The following NLRP13 variants were observed in gnomAD, a reference collection of about 807,000 sequenced individuals.
The protein encoded by NLRP13 is NLR family pyrin domain containing 13, also known as NACHT, LRR and PYD domains-containing protein 13.
In NLRP13, 82 loss-of-function variants were observed where a neutral mutation model predicts 94.4. That is an observed-to-expected ratio of 0.87 (90% CI 0.73 to 1.04). The LOEUF is 1.04. Among genes scored for constraint, NLRP13 ranks in the 50% least tolerant of loss-of-function variants. The pLI is 0.00. For missense variants in NLRP13, 1,426 were observed against 1,230.8 expected (o/e 1.16, Z -2.37); for synonymous variants, 553 against 464.7 (o/e 1.19, Z -2.45).
Position 55,910,558 on chromosome 19 carries a change from C to A in NLRP13, c.2282+5G>T. 1 of 1,591,316 alleles carries A rather than the reference C, an allele frequency of 6.3e-7. No individual in the cohort carries two copies. Among genetic ancestry groups the A allele is most frequent in the Non-Finnish European group, 8.6e-7 (1 of 1,164,088 alleles). On this transcript the variant is annotated splice_donor_5th_base_variant and intron_variant, in intron 6 of 10. Coordinates refer to ENST00000342929, the MANE Select transcript of NLRP13 (RefSeq NM_176810.2). ...CTTCTTGAGCTGCTGGCGTCTCACACTTACGTCAGTTTCTGGACTTTGCAT... is the reference window on the plus strand; with the variant it reads ...CTTCTTGAGCTGCTGGCGTCTCACAATTACGTCAGTTTCTGGACTTTGCAT...
chr19:55,898,308 C>G lies in NLRP13; in HGVS notation c.2957+462G>C, dbSNP rs769531917. ...CACTGCAACCTCTACCTCCCGGGTT[C>G]AAGCGATTCTCCTGCCTCAGCCTCC... On this transcript the variant is annotated intron_variant, in intron 10 of 10. Coordinates refer to ENST00000342929, the MANE Select transcript of NLRP13 (RefSeq NM_176810.2). Among the ~76,000 whole-genome samples the G allele has an allele frequency of 2.2e-3, 328 of 150,056 alleles. 1 individual carries two copies. The highest frequency in any genetic ancestry group is 3.0e-3 in the Non-Finnish European group (206 of 67,772).
At chr19:55,895,163 A>C (rs972034744), downstream of NLRP13, among the ~76,000 whole-genome samples, 1 of 150,424 alleles carries the variant, frequency 6.6e-6, no homozygotes, top group Non-Finnish European at 1.5e-5. Flanking sequence ...AGGCGGGCCA[A>C]CATGGTGAAA....
Position 55,912,572 on chromosome 19 carries a change from G to T in NLRP13, c.1245C>A (p.Asn415Lys). ...CACTGCAGGAATGAAAGAGAGTTTC[G>T]TTTTTTCTTAGCTGCTGCAGGATTT... ...VEKILQQLRK[N>K]ETLFHSCSAP... The change falls in exon 5 of 11, where the codon AAC (asparagine) becomes AAA (lysine). Residue 415 changes from asparagine (N) to lysine (K), a missense_variant. Transcript: ENST00000342929. 1 of 1,614,150 alleles carries T rather than the reference G, an allele frequency of 6.2e-7. No individual in the cohort carries two copies. Among genetic ancestry groups the T allele is most frequent in the Non-Finnish European group, 8.5e-7 (1 of 1,180,022 alleles).
At chr19:55,902,305 G>T in intron 8 of NLRP13, 100 bp from the exon 9 acceptor site, 1 of 949,718 alleles carries the variant, frequency 1.1e-6, no homozygotes, top group Non-Finnish European at 1.6e-6. Flanking sequence ...TACACATGCA[G>T]CAGCTCCCTG....
intron 9 of NLRP13, among the ~76,000 whole-genome samples, chr19:55,900,913 A>AT (rs1986151277): frequency 6.6e-6 from 1 of 152,268 alleles, no homozygotes; most frequent in South Asian, 2.1e-4. Flanking sequence ...ATTGTAATAT[A>AT]TGCTCTTCTC....
At chr19:55,924,727 C>T in intron 2 of NLRP13, 69 bp from the exon 3 acceptor site, 3 of 1,397,700 alleles carry the variant, frequency 2.1e-6, no homozygotes, top group Admixed American at 1.7e-5. Flanking sequence ...ATAATGGAAG[C>T]CCCCAGTAGA....
chr19:55,931,837 C>T (rs79292493), intron 1 of NLRP13, among the ~76,000 whole-genome samples, 156 bp downstream of exon 1: 3,204 of 151,732 alleles, frequency 0.021, 109 homozygotes, highest in African/African-American at 0.071. Context: ...TCTTTATAGC[C>T]TTTATGCCTT....
At chr19:55,894,205 C>G (rs1256990610), downstream of NLRP13, among the ~76,000 whole-genome samples, 4 of 151,860 alleles carry the variant, frequency 2.6e-5, no homozygotes, top group Non-Finnish European at 5.9e-5. Flanking sequence ...CATGCCAAGC[C>G]AATTTTTTAA....
chr19:55,912,770 C>T lies in NLRP13; in HGVS notation c.1047G>A (p.Leu349=). 6.2e-7 allele frequency: 1 copy of T among 1,614,176 alleles called. No individual in the cohort carries two copies. The highest frequency in any genetic ancestry group is 8.5e-7 in the Non-Finnish European group (1 of 1,180,020). The part of the protein sequence containing the change: ...LPVTKILHSL[L]KKELVPLATL... ...TAGCCAGGGGAACCAATTCTTTCTT[C>T]AACAAGCTGTGTAGGATTTTGGTCA... The change falls in exon 5 of 11, where the codon TTG becomes TTA. Residue 349 remains leucine, a synonymous_variant. Transcript: ENST00000342929.
At chr19:55,893,113 G>T (rs753373663), downstream of NLRP13, among the ~76,000 whole-genome samples, 1 of 152,170 alleles carries the variant, frequency 6.6e-6, no homozygotes, top group Non-Finnish European at 1.5e-5. Flanking sequence ...TGGCGGCCAG[G>T]CATGGTGGCT....
intron 1 of NLRP13, among the ~76,000 whole-genome samples, chr19:55,930,873 A>ATTT (rs1555751052): frequency 8.8e-5 from 8 of 91,394 alleles, no homozygotes; most frequent in South Asian, 3.7e-4. Context: ...AGAATCAGTG[A>ATTT]TTATATATAT....
At chr19:55,931,728 A>AAGAAAGAAAGAAAGAC (rs1987149055) in intron 1 of NLRP13, among the ~76,000 whole-genome samples, 2 of 76,678 alleles carry the variant, frequency 2.6e-5, no homozygotes, top group African/African-American at 7.9e-5. Context: ...AAAAAAAAGA[A>AAGAAAGAAAGAAAGAC]AGAAAGAAAG....
chr19:55,911,563 A>G, intron 5 of NLRP13, 143 bp downstream of exon 5: 1 of 741,766 alleles, frequency 1.3e-6, no homozygotes, highest in Non-Finnish European at 2.2e-6. Flanking sequence ...ACATTCTTTC[A>G]AGTTAGAGCT....
At chr19:55,930,898 A>ATATATGTATATATATATATGTATATATAT in intron 1 of NLRP13, among the ~76,000 whole-genome samples, 1 of 104,894 alleles carries the variant, frequency 9.5e-6, no homozygotes, top group African/African-American at 3.9e-5. Flanking sequence ...ATATATATAT[A>ATATATGTATATATATATATGTATATATAT]AAATTTTAAC....
At chr19:55,915,853 A>T (rs1408314064) in intron 4 of NLRP13, among the ~76,000 whole-genome samples, 1 of 152,150 alleles carries the variant, frequency 6.6e-6, no homozygotes, top group Non-Finnish European at 1.5e-5. Flanking sequence ...GATGCACAAG[A>T]AAGTTTCTCC....
At chr19:55,918,037 T>A (rs1986715016) in intron 4 of NLRP13, among the ~76,000 whole-genome samples, 1 of 151,976 alleles carries the variant, frequency 6.6e-6, no homozygotes, top group Non-Finnish European at 1.5e-5. Context: ...ATAAATTTTT[T>A]AAAAATGGAA....
chr19:55,924,975 G>C lies in NLRP13; in HGVS notation c.380C>G (p.Ala127Gly). ...PTQEDLEMLE[A>G]AAGNMQTQGC... Reference sequence around the variant, plus strand: ...TAAAGTAGTGTACACACCTGCTGCTGCTTCTAGCATCTCTAGATCTTCCTG... The same window carrying C: ...TAAAGTAGTGTACACACCTGCTGCTCCTTCTAGCATCTCTAGATCTTCCTG... The change falls in exon 2 of 11, where the codon GCA (alanine) becomes GGA (glycine). Residue 127 changes from alanine (A) to glycine (G), a missense_variant. By Grantham distance (60) the Ala-to-Gly change is moderately conservative (BLOSUM62 0). Coordinates refer to ENST00000342929, the MANE Select transcript of NLRP13 (RefSeq NM_176810.2). 1 of 1,613,948 alleles carries C rather than the reference G, an allele frequency of 6.2e-7. No homozygotes were observed. The highest frequency in any genetic ancestry group is 1.7e-4 in the Middle Eastern group (1 of 6,060).
At chr19:55,908,059 G>A in intron 6 of NLRP13, 103 bp from the exon 7 acceptor site, 1 of 975,886 alleles carries the variant, frequency 1.0e-6, no homozygotes. Flanking sequence ...CACTGCCAAG[G>A]TTATACACGG....
chr19:55,906,364 TAGACAGAC>T (rs992409656), intron 7 of NLRP13, among the ~76,000 whole-genome samples: 83 of 109,324 alleles, frequency 7.6e-4, no homozygotes, highest in Middle Eastern at 0.013. Flanking sequence ...AGACAGATGA[TAGACAGAC>T]AGACAGAAAG....
Sources: allele counts gnomAD v4.1 joint callset (sites outside exome capture counted in the v4.1 genomes callset), GRCh38; gene constraint gnomAD v4.1.1; transcripts MANE v1.5; gene names NCBI Gene and HGNC (gene_info 2026-07-23, HGNC 2026-07-21).